Variants in CTNNA3 observed in about 807,000 individuals in gnomAD.
The protein encoded by CTNNA3 is catenin alpha-3.
Under a neutral mutation model 95.7 loss-of-function variants are expected in CTNNA3, and 76 were observed. The ratio of observed to expected loss-of-function variants is 0.79; its 90% CI spans 0.66 to 0.96. The LOEUF is 0.96. CTNNA3 is among the 40% of genes least tolerant of loss of function. The pLI is 0.00. For synonymous variants in CTNNA3, 431 were observed against 374.4 expected, an observed-to-expected ratio of 1.15 and a Z score of -1.74; for missense variants, 1,191 against 1,089.8, an observed-to-expected ratio of 1.09 and a Z score of -1.31.
At chr10:66,661,984 G>A (rs959006354) in intron 9 of CTNNA3, among the ~76,000 whole-genome samples, 6 of 152,130 alleles carry the variant, frequency 3.9e-5, no homozygotes, top group African/African-American at 1.4e-4. Context: ...TCAAAAACTG[G>A]TGCACTGCTC....
In CTNNA3 at chr10:66,056,845, T is replaced by A. The variant is rs374823734; in HGVS notation, c.2159+12463A>T. 2.3e-4 allele frequency among the ~76,000 whole-genome samples: 35 copies of A among 152,252 alleles called. 2 individuals carry two copies. The East Asian group carries it at 2.3e-3, about 10-fold the overall frequency. On this transcript the variant is annotated intron_variant, in intron 15 of 17. Coordinates refer to ENST00000433211, the MANE Select transcript of CTNNA3 (RefSeq NM_013266.4). ...TGTATAAATGAACAATGGCCAGAAT[T>A]TATATGACAGTAGAGCTTTGACCAT... is the stretch of plus-strand genomic sequence containing the variant.
chr10:66,175,462 G>A (rs545991615), intron 13 of CTNNA3, among the ~76,000 whole-genome samples: 70 of 152,264 alleles, frequency 4.6e-4, no homozygotes, highest in African/African-American at 1.4e-3. Context: ...TTAAAAGACA[G>A]GGATATCACC....
At chr10:67,192,821 A>AC (rs1863178583) in intron 6 of CTNNA3, among the ~76,000 whole-genome samples, 1 of 152,004 alleles carries the variant, frequency 6.6e-6, no homozygotes, top group Non-Finnish European at 1.5e-5. Flanking sequence ...CATTATCACA[A>AC]TAGCCAAAAC....
At chr10:66,185,592 C>G (rs2086292383) in intron 13 of CTNNA3, among the ~76,000 whole-genome samples, 1 of 151,984 alleles carries the variant, frequency 6.6e-6, no homozygotes, top group Admixed American at 6.6e-5. Flanking sequence ...GAGAAGCTTG[C>G]TCTCCTACGC....
At chr10:66,674,442 T>A (rs1285524278) in intron 9 of CTNNA3, among the ~76,000 whole-genome samples, 4 of 152,028 alleles carry the variant, frequency 2.6e-5, no homozygotes, top group Non-Finnish European at 4.4e-5. Context: ...TTCCTAGCTA[T>A]TTTACCTTGG....
At chr10:66,264,116 T>A (rs2091085841) in intron 13 of CTNNA3, among the ~76,000 whole-genome samples, 1 of 151,960 alleles carries the variant, frequency 6.6e-6, no homozygotes, top group Non-Finnish European at 1.5e-5. Context: ...TGCTCTAAAT[T>A]CCAAAATCAT....
Position 67,501,860 on chromosome 10 carries a change from T to A in CTNNA3, c.579+19982A>T, listed in dbSNP as rs186498767. Among the ~76,000 whole-genome samples, 1,426 of 152,308 alleles carry A rather than the reference T, an allele frequency of 9.4e-3. 38 individuals carry two copies. Among genetic ancestry groups the A allele is most frequent in the Admixed American group, 0.054 (829 of 15,296 alleles). The stretch of plus-strand genomic sequence containing the variant: ...TAAACTGGTTATTCTAGTTAGCAAT[T>A]CCTCTAACCTTTTTTCAAGGTTCTT... On this transcript the variant is annotated intron_variant, in intron 5 of 17. Transcript: ENST00000433211.
chr10:66,837,896 T>C (rs1038083269), intron 7 of CTNNA3, among the ~76,000 whole-genome samples: 5 of 152,222 alleles, frequency 3.3e-5, no homozygotes, highest in African/African-American at 1.2e-4. Flanking sequence ...TGCCGCCACT[T>C]GTCCATGTCT....
chr10:67,698,875 C>T (rs144100425), upstream of CTNNA3, among the ~76,000 whole-genome samples: 314 of 152,180 alleles, frequency 2.1e-3, 2 homozygotes, highest in African/African-American at 7.0e-3. Flanking sequence ...TCTCACTCTC[C>T]CTTCCCAACC....
chr10:67,580,111 A>T (rs1842329741), intron 3 of CTNNA3, among the ~76,000 whole-genome samples: 1 of 151,964 alleles, frequency 6.6e-6, no homozygotes, highest in African/African-American at 2.4e-5. Flanking sequence ...TTGGTTTTTA[A>T]CTCATGAAGT....
intron 11 of CTNNA3, among the ~76,000 whole-genome samples, chr10:66,393,102 T>A (rs919766449): frequency 6.6e-6 from 1 of 152,040 alleles, no homozygotes; most frequent in African/African-American, 2.4e-5. Flanking sequence ...ATGCAGGAAA[T>A]TTAAATGCAT....
intron 17 of CTNNA3, among the ~76,000 whole-genome samples, chr10:65,953,917 G>T (rs1165829800): frequency 6.6e-6 from 1 of 152,092 alleles, no homozygotes; most frequent in South Asian, 2.1e-4. Context: ...GGGATGGCTG[G>T]GTCAAATGGT....
At chr10:66,480,626 A>G (rs1478567792) in intron 11 of CTNNA3, among the ~76,000 whole-genome samples, 1 of 150,494 alleles carries the variant, frequency 6.6e-6, no homozygotes, top group Non-Finnish European at 1.5e-5. Context: ...TTTTTTTGAG[A>G]CAAAGTCTCG....
At chr10:66,743,986 A>AAAAG (rs1849417142) in intron 9 of CTNNA3, among the ~76,000 whole-genome samples, 2 of 149,514 alleles carry the variant, frequency 1.3e-5, no homozygotes, top group African/African-American at 4.9e-5. Flanking sequence ...AAAAAAAAAA[A>AAAAG]AAAAAAAAAA....
At chr10:67,249,543 T>C (rs1372170595) in intron 5 of CTNNA3, among the ~76,000 whole-genome samples, 1 of 150,646 alleles carries the variant, frequency 6.6e-6, no homozygotes, top group African/African-American at 2.5e-5. Flanking sequence ...GGCTAATTGA[T>C]ATAAACAAGG....
At chr10:67,737,973 C>G (rs572406329) in intron 1 of CTNNA3, among the ~76,000 whole-genome samples, 10 of 152,306 alleles carry the variant, frequency 6.6e-5, no homozygotes, top group African/African-American at 1.4e-4. Flanking sequence ...GTCAGTACCC[C>G]CACTGGGACA....
intron 7 of CTNNA3, chr10:67,177,094 T>G: frequency 2.5e-6 from 1 of 402,668 alleles, no homozygotes; most frequent in Non-Finnish European, 4.9e-6. Context: ...CTCATATAAA[T>G]TTAACAGGAC....
intron 5 of CTNNA3, among the ~76,000 whole-genome samples, chr10:67,361,234 C>A (rs757419125): frequency 6.6e-5 from 10 of 152,108 alleles, no homozygotes; most frequent in Non-Finnish European, 1.5e-4. Flanking sequence ...AGAACTCTAA[C>A]AAAGAAATTA....
intron 1 of CTNNA3, among the ~76,000 whole-genome samples, chr10:67,663,209 G>T (rs1433576923): frequency 1.3e-5 from 2 of 151,954 alleles, no homozygotes; most frequent in Non-Finnish European, 1.5e-5. Flanking sequence ...TTATATATTT[G>T]ATTTATAATT....
Sources: allele counts gnomAD v4.1 joint callset (sites outside exome capture counted in the v4.1 genomes callset), GRCh38; gene constraint gnomAD v4.1.1; transcripts MANE v1.5; gene names NCBI Gene and HGNC (gene_info 2026-07-23, HGNC 2026-07-21).